The following RIC1 variants were observed in gnomAD, a reference collection of about 807,000 sequenced individuals.
RIC1 encodes the protein RIC1 partner of RAB6A GEF complex.
Under a neutral mutation model 169.0 loss-of-function variants are expected in RIC1, and 88 were observed. The ratio of observed to expected loss-of-function variants is 0.52; its 90% CI spans 0.44 to 0.62. RIC1 has a LOEUF of 0.62. Among genes scored for constraint, RIC1 ranks in the 20% least tolerant of loss-of-function variants. The probability of loss-of-function intolerance (pLI) is 0.00; values close to 1 mark genes in which losing one functional copy is unlikely to be tolerated. For synonymous variants in RIC1, 790 were observed against 601.5 expected, an observed-to-expected ratio of 1.31 and a Z score of -4.59; for missense variants, 1,877 against 1,725.5, an observed-to-expected ratio of 1.09 and a Z score of -1.56.
intron 10 of RIC1, among the ~76,000 whole-genome samples, chr9:5,744,219 T>G (rs1341511946): frequency 6.6e-6 from 1 of 152,148 alleles, no homozygotes; most frequent in Non-Finnish European, 1.5e-5. Flanking sequence ...ACTGTTCAGA[T>G]GAGGCCTTTT....
At chr9:5,711,431 T>G (rs1822919280) in intron 3 of RIC1, among the ~76,000 whole-genome samples, 1 of 152,182 alleles carries the variant, frequency 6.6e-6, no homozygotes, top group South Asian at 2.1e-4. Context: ...CCCAACAGAA[T>G]TAATAGTTTA....
At chr9:5,700,214 T>C (rs1035711818) in intron 3 of RIC1, among the ~76,000 whole-genome samples, 8 of 152,170 alleles carry the variant, frequency 5.3e-5, no homozygotes, top group African/African-American at 1.9e-4. Context: ...GCTAGTTCTA[T>C]AAATTTTGTT....
At chr9:5,729,457 A>G (rs771010849) in intron 6 of RIC1, among the ~76,000 whole-genome samples, 15 of 152,188 alleles carry the variant, frequency 9.9e-5, no homozygotes, top group Non-Finnish European at 2.1e-4. Flanking sequence ...GACGTTTCTC[A>G]GCATTCTTCC....
chr9:5,638,123 A>G (rs1433418900), intron 1 of RIC1, among the ~76,000 whole-genome samples: 1 of 152,170 alleles, frequency 6.6e-6, no homozygotes, highest in Non-Finnish European at 1.5e-5. Context: ...TTGGTCCTTC[A>G]TTCTGTTGAT....
chr9:5,654,979 G>A (rs1819002142), intron 1 of RIC1, among the ~76,000 whole-genome samples: 1 of 152,104 alleles, frequency 6.6e-6, no homozygotes, highest in South Asian at 2.1e-4. Flanking sequence ...GAGGATTTTT[G>A]GGTCAATTCT....
At chr9:5,716,833 T>A (rs1313714091) in intron 4 of RIC1, among the ~76,000 whole-genome samples, 7 of 152,178 alleles carry the variant, frequency 4.6e-5, no homozygotes, top group Admixed American at 4.6e-4. Context: ...TGACACCAGC[T>A]TTTTTATTTC....
chr9:5,661,462 A>G (rs191721652), intron 2 of RIC1, among the ~76,000 whole-genome samples: 4 of 152,318 alleles, frequency 2.6e-5, no homozygotes, highest in South Asian at 2.1e-4. Context: ...CTTCCTAGCC[A>G]TGAACATGGA....
intron 6 of RIC1, among the ~76,000 whole-genome samples, chr9:5,731,757 G>T (rs1000801373): frequency 5.3e-5 from 8 of 152,122 alleles, no homozygotes; most frequent in African/African-American, 1.9e-4. Flanking sequence ...TAGTTTACAT[G>T]TGTATCTTCA....
chr9:5,654,130 C>G (rs974179363), intron 1 of RIC1, among the ~76,000 whole-genome samples: 10 of 152,106 alleles, frequency 6.6e-5, no homozygotes, highest in African/African-American at 2.4e-4. Flanking sequence ...TCCTGAGTAG[C>G]TGGGACTACA....
At chr9:5,710,972 G>A (rs1468783665) in intron 3 of RIC1, among the ~76,000 whole-genome samples, 1 of 152,016 alleles carries the variant, frequency 6.6e-6, no homozygotes, top group Non-Finnish European at 1.5e-5. Context: ...GAGAGAACAG[G>A]GAATGGAGAA....
intron 21 of RIC1, among the ~76,000 whole-genome samples, chr9:5,768,485 A>T (rs1826954554): frequency 6.6e-6 from 1 of 152,176 alleles, no homozygotes; most frequent in Non-Finnish European, 1.5e-5. Flanking sequence ...CTATGATCAC[A>T]CCACTGCACT....
intron 1 of RIC1, among the ~76,000 whole-genome samples, chr9:5,640,039 T>G (rs1311153502): frequency 6.6e-6 from 1 of 152,308 alleles, no homozygotes; most frequent in Non-Finnish European, 1.5e-5. Context: ...TCTCTGTCTT[T>G]TGATTGGAGA....
intron 3 of RIC1, among the ~76,000 whole-genome samples, chr9:5,711,830 G>C (rs774493751): frequency 6.6e-6 from 1 of 152,080 alleles, no homozygotes; most frequent in Non-Finnish European, 1.5e-5. Context: ...GCGGTGTTTG[G>C]TTTTTTGTCC....
intron 2 of RIC1, among the ~76,000 whole-genome samples, chr9:5,671,152 C>T (rs1165881756): frequency 6.6e-6 from 1 of 151,976 alleles, no homozygotes; most frequent in Non-Finnish European, 1.5e-5. Context: ...AATTCAGGCT[C>T]CTCTCCTCCT....
At chr9:5,725,714 C>T (rs1032289826) in intron 6 of RIC1, among the ~76,000 whole-genome samples, 1 of 152,140 alleles carries the variant, frequency 6.6e-6, no homozygotes, top group Non-Finnish European at 1.5e-5. Context: ...AAATTTCCCT[C>T]TACACACTGC....
chr9:5,727,444 T>G (rs1824067988), intron 6 of RIC1, among the ~76,000 whole-genome samples: 1 of 152,242 alleles, frequency 6.6e-6, no homozygotes, highest in African/African-American at 2.4e-5. Flanking sequence ...TTGTCTAATC[T>G]TTTTTCAAGA....
chr9:5,666,473 C>T (rs1003960405), intron 2 of RIC1, among the ~76,000 whole-genome samples: 1 of 151,842 alleles, frequency 6.6e-6, no homozygotes, highest in Non-Finnish European at 1.5e-5. Context: ...CTTGTTCTAG[C>T]GGGAAGGCTT....
At chr9:5,687,132 T>G (rs1275088979) in intron 2 of RIC1, among the ~76,000 whole-genome samples, 1 of 152,182 alleles carries the variant, frequency 6.6e-6, no homozygotes, top group African/African-American at 2.4e-5. Flanking sequence ...ATTGTCATAT[T>G]AATAATGTGA....
intron 11 of RIC1, 55 bp from the exon 12 acceptor site, chr9:5,747,247 G>A: frequency 7.3e-7 from 1 of 1,374,270 alleles, no homozygotes. Flanking sequence ...GTAATATTGA[G>A]TTGTTTTTAT....
Sources: gnomAD v4.1 joint callset for allele counts (sites outside exome capture counted in the v4.1 genomes callset) on GRCh38, gnomAD v4.1.1 for gene constraint, MANE v1.5 for transcripts, NCBI Gene and HGNC (gene_info 2026-07-23, HGNC 2026-07-21) for gene names.